HBS1L: variants seen among roughly 807,000 people sequenced by gnomAD.
HBS1L encodes HBS1-like protein.
A neutral mutation model predicts 88.9 loss-of-function variants in HBS1L; 55 were observed. That is an observed-to-expected ratio of 0.62 (90% confidence interval 0.50 to 0.77). The LOEUF is 0.77. Ranked by LOEUF, HBS1L falls within the 30% of genes least tolerant of loss-of-function variation. HBS1L has a pLI of 0.00. For synonymous variants in HBS1L, 267 were observed against 288.5 expected (o/e 0.93, Z 0.76); for missense variants, 741 against 829.3 (o/e 0.89, Z 1.31).
intron 4 of HBS1L, among the ~76,000 whole-genome samples, chr6:135,009,671 T>C (rs1310421372): frequency 2.6e-5 from 4 of 152,172 alleles, no homozygotes; most frequent in African/African-American, 9.7e-5. Flanking sequence ...TCTCGCTCTG[T>C]TGCCCAGGCT....
chr6:135,050,471 T>C, intron 2 of HBS1L, 111 bp downstream of exon 2: 1 of 618,410 alleles, frequency 1.6e-6, no homozygotes, highest in South Asian at 2.2e-5. Flanking sequence ...TATAATTAAC[T>C]TTTTAAATGT....
rs759224211 is a variant in HBS1L, at chr6:134,993,782, T to C, written c.1059A>G (p.Pro353=). The change falls in exon 8 of 18, where the codon CCA becomes CCG. Residue 353 remains proline (P), a synonymous_variant. Transcript: ENST00000367837. The part of the protein sequence containing the change: ...MDAPGHKDFI[P]NMITGAAQAD... The stretch of plus-strand genomic sequence containing the variant: ...CCTGGGCTGCTCCTGTAATCATATT[T>C]GGAATGAAGTCCTTATGGCCTGGAG... The C allele has an allele frequency of 1.6e-4, 248 of 1,591,200 alleles. No homozygotes were observed. Among genetic ancestry groups the C allele is most frequent in the Non-Finnish European group, 2.1e-4 (241 of 1,164,042 alleles).
intron 4 of HBS1L, among the ~76,000 whole-genome samples, chr6:135,028,780 A>T (rs934353045): frequency 6.6e-6 from 1 of 152,172 alleles, no homozygotes; most frequent in Non-Finnish European, 1.5e-5. Flanking sequence ...TGTTATCTAA[A>T]GCCTTTGGCA....
intron 5 of HBS1L, among the ~76,000 whole-genome samples, chr6:135,001,513 T>A (rs1438076050): frequency 6.6e-6 from 1 of 152,020 alleles, no homozygotes; most frequent in Non-Finnish European, 1.5e-5. Flanking sequence ...AAAAATCCCA[T>A]AATAGAATTA....
chr6:134,963,916 T>C lies in HBS1L; in HGVS notation c.*1363A>G, dbSNP rs1027631720. On this transcript the variant is annotated 3_prime_UTR_variant, in exon 18 of 18. Coordinates refer to ENST00000367837, the MANE Select transcript of HBS1L (RefSeq NM_006620.4). Reference sequence around the variant, plus strand: ...CTTGAAGTTAGATTTCTGTCACATATATCTGTTAAATTCTTGATTAATATT... The same window carrying C: ...CTTGAAGTTAGATTTCTGTCACATACATCTGTTAAATTCTTGATTAATATT... 1.4e-4 allele frequency: 19 copies of C among 135,108 alleles called. No individual in the cohort carries two copies. The highest frequency in any genetic ancestry group is 1.4e-3 in the Admixed American group (19 of 14,066). 8.4% of individuals were successfully genotyped at this position (135,108 alleles called of 1,614,324 possible). A position where few individuals can be genotyped will look rare whatever the true frequency, so the allele number is the denominator to read the frequency against.
chr6:135,032,230 A>T (rs533125565), intron 4 of HBS1L, among the ~76,000 whole-genome samples: 1 of 152,180 alleles, frequency 6.6e-6, no homozygotes, highest in African/African-American at 2.4e-5. Flanking sequence ...CAGAAATATC[A>T]AGTTTATATA....
chr6:134,990,011 A>G (rs1775086346), intron 8 of HBS1L, among the ~76,000 whole-genome samples: 1 of 152,212 alleles, frequency 6.6e-6, no homozygotes, highest in Admixed American at 6.5e-5. Flanking sequence ...CATCCAGACC[A>G]GAACTTCCAA....
chr6:135,007,981 T>C (rs778828151), intron 4 of HBS1L, among the ~76,000 whole-genome samples: 5 of 152,230 alleles, frequency 3.3e-5, no homozygotes, highest in Non-Finnish European at 7.3e-5. Flanking sequence ...CAGTTTCCTC[T>C]AAACTTTTCC....
intron 2 of HBS1L, 41 bp downstream of exon 2, chr6:135,050,541 A>G: frequency 7.4e-7 from 1 of 1,343,178 alleles, no homozygotes. Flanking sequence ...TACATTTTTA[A>G]ACACCAAATC....
rs1216924009 is a variant in HBS1L at position 134,982,469 on chromosome 6, C to G, written c.1586G>C (p.Cys529Ser). ...TTGCAGATAAATACCTTTCACGGTA[C>G]AAGTTTCATTAGGAGGCATTGCCAG... is the stretch of plus-strand genomic sequence containing the variant. ...RLLAMPPNET[C>S]TVKGITLHDE... Residue 529 changes from cysteine (C) to serine (S), a missense_variant, in exon 13 of 18, where the codon TGT becomes TCT. Around this residue, in one of 3 missense-constraint regions of HBS1L, gnomAD observed 181 missense variants for 212.7 expected, o/e 0.85. Coordinates refer to ENST00000367837, the MANE Select transcript of HBS1L (RefSeq NM_006620.4). The G allele has an allele frequency of 6.3e-7, 1 of 1,598,784 alleles. No homozygotes were observed. The highest frequency in any genetic ancestry group is 1.1e-5 in the South Asian group (1 of 90,620).
chr6:135,024,109 C>T (rs1486241984), intron 4 of HBS1L, among the ~76,000 whole-genome samples: 5 of 152,090 alleles, frequency 3.3e-5, no homozygotes, highest in Non-Finnish European at 7.4e-5. Context: ...AAATTTTAAT[C>T]CATAAATAAT....
At chr6:135,024,759 C>A (rs1260934075) in intron 4 of HBS1L, among the ~76,000 whole-genome samples, 1 of 151,956 alleles carries the variant, frequency 6.6e-6, no homozygotes, top group Non-Finnish European at 1.5e-5. Context: ...GATATGTTAA[C>A]ATTTAGTATA....
chr6:135,027,925 C>T (rs148444562), intron 4 of HBS1L, among the ~76,000 whole-genome samples: 55 of 152,050 alleles, frequency 3.6e-4, no homozygotes, highest in South Asian at 1.9e-3. Context: ...CCACCACACT[C>T]GACTAATTTT....
At chr6:134,967,537 A>C (rs1474231125) in intron 16 of HBS1L, among the ~76,000 whole-genome samples, 1 of 152,210 alleles carries the variant, frequency 6.6e-6, no homozygotes, top group Non-Finnish European at 1.5e-5. Flanking sequence ...GTGCAAAATA[A>C]AAGGATAAAG....
chr6:134,961,993 G>A lies in HBS1L; in HGVS notation c.*3286C>T, dbSNP rs918016620. On this transcript the variant is annotated 3_prime_UTR_variant, in exon 18 of 18. Transcript: ENST00000367837. Reference sequence around the variant, plus strand: ...TCTCTTTATGATACCCTGTCCCCTGGTTGGACTATCAGCCCTATTAAGACT... The same window carrying A: ...TCTCTTTATGATACCCTGTCCCCTGATTGGACTATCAGCCCTATTAAGACT... 6.6e-6 allele frequency: 1 copy of A among 152,044 alleles called. No individual in the cohort carries two copies. The highest frequency in any genetic ancestry group is 1.5e-5 in the Non-Finnish European group (1 of 68,024). 9.4% of individuals were successfully genotyped at this position (152,044 alleles called of 1,614,324 possible).
Position 135,039,670 on chromosome 6 carries a change from A to G in HBS1L, c.333T>C (p.Asp111=). ...GAACCCCTGACAAAGCCTTCTGCAC[A>G]TCAAACTTGTTCTTCAGAACTGCTT... The part of the protein sequence containing the change: ...LIEAVLKNKF[D]VQKALSGVLE... Residue 111 remains aspartate (D), a synonymous_variant, in exon 4 of 18, where the codon GAT becomes GAC. Transcript: ENST00000367837. 1 of 1,614,148 alleles carries G rather than the reference A, an allele frequency of 6.2e-7. No homozygotes were observed.
intron 7 of HBS1L, among the ~76,000 whole-genome samples, chr6:134,994,450 C>T (rs1775235752): frequency 6.6e-6 from 1 of 152,050 alleles, no homozygotes; most frequent in African/African-American, 2.4e-5. Flanking sequence ...CAACATAGTG[C>T]CTTTTTTCAG....
chr6:135,016,304 C>A (rs1775919871), intron 4 of HBS1L, among the ~76,000 whole-genome samples: 1 of 152,204 alleles, frequency 6.6e-6, no homozygotes, highest in Non-Finnish European at 1.5e-5. Context: ...ACCAATTATT[C>A]TGATTAGGTT....
At chr6:134,982,629 A>C in intron 12 of HBS1L, 67 bp from the exon 13 acceptor site, 6 of 821,276 alleles carry the variant, frequency 7.3e-6, no homozygotes, top group Non-Finnish European at 1.2e-5. Flanking sequence ...ACCGTTAACT[A>C]TACTTAGTTC....
Sources: allele counts gnomAD v4.1 joint callset (sites outside exome capture counted in the v4.1 genomes callset), GRCh38; gene constraint gnomAD v4.1.1; regional missense constraint gnomAD v4.1.1; transcripts MANE v1.5; gene names NCBI Gene and HGNC (gene_info 2026-07-23, HGNC 2026-07-21).